SETX: variants seen among roughly 807,000 people sequenced by gnomAD.
SETX encodes helicase senataxin.
In SETX, 90 loss-of-function variants were observed where a neutral mutation model predicts 227.2. The ratio of observed to expected loss-of-function variants is 0.40; its 90% CI spans 0.33 to 0.47. The LOEUF (loss-of-function observed/expected upper bound fraction) is 0.47. SETX is among the 20% of genes least tolerant of loss of function. The pLI is 0.91. For synonymous variants in SETX, 1,210 were observed against 1,113.2 expected (o/e 1.09, Z -1.73); for missense variants, 3,052 against 3,181.5 (o/e 0.96, Z 0.98).
intron 23 of SETX, among the ~76,000 whole-genome samples, chr9:132,272,298 C>A (rs1015304392): frequency 6.6e-6 from 1 of 152,098 alleles, no homozygotes; most frequent in Non-Finnish European, 1.5e-5. Context: ...GGACTACAGG[C>A]ATGGACCACC....
At chr9:132,335,907 A>C (rs1002945448) in intron 6 of SETX, among the ~76,000 whole-genome samples, 1 of 152,178 alleles carries the variant, frequency 6.6e-6, no homozygotes, top group Non-Finnish European at 1.5e-5. Flanking sequence ...AGTAAGTTTC[A>C]TCAGATCACC....
chr9:132,273,142 T>A (rs1417635228), intron 23 of SETX, among the ~76,000 whole-genome samples: 2 of 151,784 alleles, frequency 1.3e-5, no homozygotes, highest in Non-Finnish European at 2.9e-5. Context: ...GAAAACAGGA[T>A]GTCTTCACAT....
At chr9:132,300,565 G>A in intron 12 of SETX, 65 bp downstream of exon 12, 1 of 1,521,860 alleles carries the variant, frequency 6.6e-7, no homozygotes, top group East Asian at 2.3e-5. Flanking sequence ...ATACACAATT[G>A]AGAAGTAGAT....
At chr9:132,285,060 T>G (rs925158160) in intron 18 of SETX, among the ~76,000 whole-genome samples, 1 of 152,000 alleles carries the variant, frequency 6.6e-6, no homozygotes, top group Non-Finnish European at 1.5e-5. Context: ...TTGTATTTTA[T>G]TAGAGACGGG....
chr9:132,264,267 C>T lies in SETX; in HGVS notation c.8006G>A (p.Ser2669Asn), dbSNP rs1324326385. 6.2e-7 allele frequency: 1 copy of T among 1,614,158 alleles called. No homozygotes were observed. Residue 2669 changes from serine (S) to asparagine (N), a missense_variant, in exon 26 of 26, where the codon AGC becomes AAC. Ser to Asn is a conservative substitution (Grantham distance 46). This residue lies in a region of SETX where 294 missense variants were observed against 278.8 expected (regional missense o/e 1.05). Coordinates refer to ENST00000224140, the MANE Select transcript of SETX (RefSeq NM_015046.7). ...TAAAAGCTTTCTTTTCTTGGAACTG[C>T]TGTCCTCCTGCTCCAGTGTCCTCTT... ...WDKRTLEQEDSSSKKRKLL is the reference protein window; with the variant it reads ...WDKRTLEQEDNSSKKRKLL
intron 10 of SETX, among the ~76,000 whole-genome samples, chr9:132,317,483 A>C (rs1379584342): frequency 6.6e-6 from 1 of 152,218 alleles, no homozygotes. Context: ...ACATGTTCAC[A>C]ATCAATTATA....
Position 132,326,425 on chromosome 9 carries a change from G to T in SETX, c.5173C>A (p.Leu1725Ile). Residue 1725 changes from leucine (L) to isoleucine (I), a missense_variant, in exon 10 of 26, where the codon CTT becomes ATT. Leu to Ile is a conservative substitution (Grantham distance 5). Coordinates refer to ENST00000224140, the MANE Select transcript of SETX (RefSeq NM_015046.7). ...NFGQCGPPAS[L>I]CQSISRPVPV... Reference sequence around the variant, plus strand: ...ACAGGTCTTGAGATGGACTGACAAAGACTTGCAGGGGGCCCACACTGACCA... The same window carrying T: ...ACAGGTCTTGAGATGGACTGACAAATACTTGCAGGGGGCCCACACTGACCA... 1.9e-6 allele frequency: 3 copies of T among 1,614,084 alleles called. No individual in the cohort carries two copies. Among genetic ancestry groups the T allele is most frequent in the African/African-American group, 1.3e-5 (1 of 75,054 alleles).
In SETX at chr9:132,326,310, A is replaced by G; in HGVS notation, c.5274+14T>C. 4 of 1,567,110 alleles carry G rather than the reference A, an allele frequency of 2.6e-6. No individual in the cohort carries two copies. The highest frequency in any genetic ancestry group is 1.1e-5 in the South Asian group (1 of 89,842). Reference sequence around the variant, plus strand: ...AAAAGTTTGGAGAGGCATACAAATGAAACACATACTTACTGTTTCAAAAGT... The same window carrying G: ...AAAAGTTTGGAGAGGCATACAAATGGAACACATACTTACTGTTTCAAAAGT... On this transcript the variant is annotated intron_variant, in intron 10 of 25. Coordinates refer to ENST00000224140, the MANE Select transcript of SETX (RefSeq NM_015046.7).
intron 25 of SETX, among the ~76,000 whole-genome samples, chr9:132,268,999 A>G (rs1188771364): frequency 6.6e-6 from 1 of 152,248 alleles, no homozygotes; most frequent in East Asian, 1.9e-4. Context: ...TTCATAAAAA[A>G]GAGAAATGAG....
chr9:132,269,487 T>G, intron 25 of SETX, 128 bp downstream of exon 25: 4 of 1,597,292 alleles, frequency 2.5e-6, no homozygotes, highest in Non-Finnish European at 3.4e-6. Flanking sequence ...TAGGAAGAAG[T>G]TGCTGGAAAA....
chr9:132,351,749 T>C (rs1308214137), intron 2 of SETX, among the ~76,000 whole-genome samples: 1 of 152,244 alleles, frequency 6.6e-6, no homozygotes, highest in East Asian at 1.9e-4. Flanking sequence ...TCTAAACTAC[T>C]GTGAATCCTC....
At chr9:132,331,933 A>G (rs1210212283) in intron 7 of SETX, among the ~76,000 whole-genome samples, 1 of 152,240 alleles carries the variant, frequency 6.6e-6, no homozygotes, top group Non-Finnish European at 1.5e-5. Flanking sequence ...CTCTTTCAGC[A>G]TCATCCTGAA....
At chr9:132,342,849 G>T in intron 4 of SETX, 50 bp from the exon 5 acceptor site, 1 of 1,382,674 alleles carries the variant, frequency 7.2e-7, no homozygotes, top group Non-Finnish European at 1.0e-6. Context: ...ACCTTATCAA[G>T]ATTCCCTAAA....
intron 10 of SETX, among the ~76,000 whole-genome samples, chr9:132,323,316 T>A (rs1382265781): frequency 1.3e-5 from 2 of 151,992 alleles, no homozygotes; most frequent in African/African-American, 2.4e-5. Flanking sequence ...TAGTGATAAG[T>A]AGAAAATTAA....
At chr9:132,326,301 A>C (rs1846749093) in intron 10 of SETX, 23 bp downstream of exon 10, 1 of 1,539,254 alleles carries the variant, frequency 6.5e-7, no homozygotes, top group East Asian at 2.3e-5. Context: ...TTGGAGAGGC[A>C]TACAAATGAA....
intron 6 of SETX, 75 bp downstream of exon 6, chr9:132,336,221 C>A: frequency 1.1e-6 from 1 of 895,952 alleles, no homozygotes; most frequent in Non-Finnish European, 1.7e-6. Flanking sequence ...CCAGCCTGGG[C>A]AACAGAGTGA....
rs1476994046 is a variant in SETX at position 132,301,059 on chromosome 9, T to A, written c.5375-256A>T. 5.3e-5 allele frequency among the ~76,000 whole-genome samples: 8 copies of A among 150,684 alleles called. No individual in the cohort carries two copies. In the South Asian group the frequency reaches 1.7e-3, roughly 31 times the overall value. ...AACTATAATATTGAAAAGTAGCTAA[T>A]AAATTTTCTTTCCTTTAGGTTTATT... On this transcript the variant is annotated intron_variant, in intron 11 of 25. Coordinates refer to ENST00000224140, the MANE Select transcript of SETX (RefSeq NM_015046.7).
At position 132,264,864 on chromosome 9, in the gene SETX, T is replaced by A. The variant is rs766002612; in HGVS notation, c.7409A>T (p.Gln2470Leu). Residue 2470 changes from glutamine (Q) to leucine (L), a missense_variant, in exon 26 of 26, where the codon CAG becomes CTG. Coordinates refer to ENST00000224140, the MANE Select transcript of SETX (RefSeq NM_015046.7). ...GGTAGGAGGGTGAGTGAGACTTCTCTGCAGCACAGGCTTGAGTTTCAGAAT... is the reference window on the plus strand; with the variant it reads ...GGTAGGAGGGTGAGTGAGACTTCTCAGCAGCACAGGCTTGAGTTTCAGAAT... ...VKILKLKPVL[Q>L]RSLTHPPTIA... 1.9e-6 allele frequency: 3 copies of A among 1,614,194 alleles called. No individual in the cohort carries two copies. Among genetic ancestry groups the A allele is most frequent in the Non-Finnish European group, 2.5e-6 (3 of 1,180,008 alleles).
rs1589792237 is a variant in SETX at position 132,349,536 on chromosome 9, A to T, written c.-7-101T>A. 11 of 1,260,234 alleles carry T rather than the reference A, an allele frequency of 8.7e-6. No individual in the cohort carries two copies. The East Asian group carries it at 2.6e-4, about 30-fold the overall frequency. 78.1% of individuals were successfully genotyped at this position (1,260,234 alleles called of 1,614,324 possible). ...AACTTGTGACCCTGGTTTCAATTTA[A>T]AATGTGTCACTAAAACCCAAATCTT... On this transcript the variant is annotated intron_variant, in intron 2 of 25. Transcript: ENST00000224140.
Sources: gnomAD v4.1 joint callset for allele counts (sites outside exome capture counted in the v4.1 genomes callset) on GRCh38, gnomAD v4.1.1 for gene constraint, gnomAD v4.1.1 regional missense constraint, MANE v1.5 for transcripts, NCBI Gene and HGNC (gene_info 2026-07-23, HGNC 2026-07-21) for gene names.